Variants in DNAH9 observed in about 807,000 individuals in gnomAD.
DNAH9 encodes DNAH9 variant protein.
A neutral mutation model predicts 471.6 loss-of-function variants in DNAH9; 345 were observed. The ratio of observed to expected loss-of-function variants is 0.73; its 90% CI spans 0.67 to 0.80. The LOEUF (loss-of-function observed/expected upper bound fraction) is 0.80, where lower values mean the gene tolerates loss of function less well. Among genes scored for constraint, DNAH9 ranks in the 30% least tolerant of loss-of-function variants. DNAH9 has a pLI of 0.00. For missense variants in DNAH9, 5,407 were observed against 5,609.2 expected (o/e 0.96, Z 1.15); for synonymous variants, 2,093 against 2,123.6 (o/e 0.99, Z 0.40).
At chr17:11,898,186 G>A (rs1396992799) in intron 59 of DNAH9, among the ~76,000 whole-genome samples, 1 of 151,502 alleles carries the variant, frequency 6.6e-6, no homozygotes, top group African/African-American at 2.4e-5. Context: ...GTGCAGTGGC[G>A]AAATCTCGGC....
chr17:11,942,467 G>A lies in DNAH9; in HGVS notation c.12825G>A (p.Glu4275=). The change falls in exon 67 of 69, where the codon GAG becomes GAA. Residue 4275 remains glutamate, a synonymous_variant. Coordinates refer to ENST00000262442, the MANE Select transcript of DNAH9 (RefSeq NM_001372.4). ...GAGAGATTCAGCGCTCACTGAGGGA[G>A]CTGGAGCTCGGCTTAAAGGTGAGCG... is the stretch of plus-strand genomic sequence containing the variant. The part of the protein sequence containing the change: ...LTREIQRSLR[E]LELGLKGELT... 2 of 1,614,024 alleles carry A rather than the reference G, an allele frequency of 1.2e-6. No individual in the cohort carries two copies. Among genetic ancestry groups the A allele is most frequent in the Non-Finnish European group, 1.7e-6 (2 of 1,179,982 alleles).
At chr17:11,852,801 A>AGTGTGTGTGT (rs375315617) in intron 49 of DNAH9, among the ~76,000 whole-genome samples, 16 of 41,026 alleles carry the variant, frequency 3.9e-4, no homozygotes, top group East Asian at 5.7e-4. Context: ...TATATAAGAA[A>AGTGTGTGTGT]GTGTGTGTGT....
chr17:11,950,047 T>C (rs1056102093), intron 67 of DNAH9, among the ~76,000 whole-genome samples: 4 of 152,222 alleles, frequency 2.6e-5, no homozygotes, highest in African/African-American at 7.2e-5. Context: ...AAATTAAGTA[T>C]TGCATATATT....
In DNAH9 at chr17:11,598,874, C is replaced by G. The variant is rs769247274; in HGVS notation, c.376C>G (p.Pro126Ala). The stretch of plus-strand genomic sequence containing the variant: ...CGGCGCAGTGGTCTGCGGGGACCTG[C>G]CCGCGGCACCTCTGGAGCACCTAGC... ...FRGAVVCGDL[P>A]AAPLEHLAAL... Residue 126 changes from proline (P) to alanine (A), a missense_variant, in exon 1 of 69, where the codon CCC (proline) becomes GCC (alanine). Coordinates refer to ENST00000262442, the MANE Select transcript of DNAH9 (RefSeq NM_001372.4). 3 of 1,542,806 alleles carry G rather than the reference C, an allele frequency of 1.9e-6. No individual in the cohort carries two copies. Among genetic ancestry groups the G allele is most frequent in the African/African-American group, 2.8e-5 (2 of 71,868 alleles).
chr17:11,714,444 G>A lies in DNAH9; in HGVS notation c.5553-4890G>A, dbSNP rs142106612. On this transcript the variant is annotated intron_variant, in intron 26 of 68. Coordinates refer to ENST00000262442, the MANE Select transcript of DNAH9 (RefSeq NM_001372.4). Reference sequence around the variant, plus strand: ...AACATCAGTGAGCTGAGTATGCCTCGGGGCCTCCCTGAAGGTAGATACTGT... The same window carrying A: ...AACATCAGTGAGCTGAGTATGCCTCAGGGCCTCCCTGAAGGTAGATACTGT... Among the ~76,000 whole-genome samples, 510 of 152,100 alleles carry A rather than the reference G, an allele frequency of 3.4e-3. 3 individuals are homozygous for A. Among genetic ancestry groups the A allele is most frequent in the African/African-American group, 0.011 (468 of 41,470 alleles).
At chr17:11,881,472 G>C (rs1188943108) in intron 55 of DNAH9, 59 bp downstream of exon 55, 1 of 1,532,968 alleles carries the variant, frequency 6.5e-7, no homozygotes, top group Non-Finnish European at 8.8e-7. Context: ...CTCCACTCTG[G>C]GAGAGGTTGC....
intron 7 of DNAH9, among the ~76,000 whole-genome samples, chr17:11,632,013 A>G (rs989635179): frequency 1.3e-5 from 2 of 152,218 alleles, no homozygotes; most frequent in Non-Finnish European, 2.9e-5. Flanking sequence ...TGAAATTCCA[A>G]TTTAACTGAG....
chr17:11,906,437 G>A (rs139881852), intron 61 of DNAH9, among the ~76,000 whole-genome samples: 3,065 of 151,572 alleles, frequency 0.02, 64 homozygotes, highest in Admixed American at 0.032. Context: ...GACCAGCCTG[G>A]CCAACATGGT....
chr17:11,667,397 C>T (rs1293662092), intron 15 of DNAH9, among the ~76,000 whole-genome samples: 3 of 152,106 alleles, frequency 2.0e-5, no homozygotes, highest in South Asian at 2.1e-4. Context: ...TTGGGACTCT[C>T]CTGAGTCCAA....
At chr17:11,764,936 C>T (rs933785700) in intron 36 of DNAH9, among the ~76,000 whole-genome samples, 1 of 151,994 alleles carries the variant, frequency 6.6e-6, no homozygotes, top group African/African-American at 2.4e-5. Context: ...TCAGTCATAC[C>T]ACAATAAAGT....
At chr17:11,739,224 CT>C (rs2075397228) in intron 29 of DNAH9, among the ~76,000 whole-genome samples, 187 bp downstream of exon 29, 1 of 152,236 alleles carries the variant, frequency 6.6e-6, no homozygotes, top group African/African-American at 2.4e-5. Flanking sequence ...CTGTTCTCCT[CT>C]GTATATACAT....
chr17:11,691,893 T>C (rs981289506), intron 20 of DNAH9, among the ~76,000 whole-genome samples: 6 of 152,148 alleles, frequency 3.9e-5, no homozygotes, highest in Non-Finnish European at 8.8e-5. Context: ...AACCTCTGCC[T>C]CCTGGGTTCA....
chr17:11,937,274 C>A lies in DNAH9; in HGVS notation c.12490-78C>A. 1 of 1,524,164 alleles carries A rather than the reference C, an allele frequency of 6.6e-7. No individual in the cohort carries two copies. The highest frequency in any genetic ancestry group is 8.9e-7 in the Non-Finnish European group (1 of 1,128,730). 94.4% of individuals were successfully genotyped at this position (1,524,164 alleles called of 1,614,324 possible). A position where few individuals can be genotyped will look rare whatever the true frequency, so the allele number is the denominator to read the frequency against. ...GGAGGGATACTAGCCCATGGACTCCCTGCAGAGGACAAGCCGGTGTGGGAG... is the reference window on the plus strand; with the variant it reads ...GGAGGGATACTAGCCCATGGACTCCATGCAGAGGACAAGCCGGTGTGGGAG... On this transcript the variant is annotated intron_variant, in intron 65 of 68. Transcript: ENST00000262442. The surrounding 1 kb of genome is among the most constrained non-coding windows in gnomAD (Gnocchi z 4.1).
intron 50 of DNAH9, among the ~76,000 whole-genome samples, chr17:11,863,424 A>G (rs1246807992): frequency 1.3e-5 from 2 of 152,124 alleles, no homozygotes; most frequent in Non-Finnish European, 2.9e-5. Context: ...TCGGTTTGCC[A>G]GTATTTTATT....
At chr17:11,924,616 C>CTTTT (rs756191140) in intron 62 of DNAH9, among the ~76,000 whole-genome samples, 154 of 91,994 alleles carry the variant, frequency 1.7e-3, no homozygotes, top group African/African-American at 3.0e-3. Flanking sequence ...ACTACTAACT[C>CTTTT]TTTTTTTTTT....
chr17:11,820,383 A>G (rs1234750408), intron 45 of DNAH9, among the ~76,000 whole-genome samples: 3 of 151,602 alleles, frequency 2.0e-5, no homozygotes, highest in African/African-American at 7.3e-5. Flanking sequence ...GTTTTCATTT[A>G]ACTTTCAGAT....
intron 35 of DNAH9, among the ~76,000 whole-genome samples, chr17:11,762,770 G>GTT (rs563544881): frequency 0.024 from 2,146 of 90,640 alleles, 286 homozygotes; most frequent in Non-Finnish European, 0.035. Flanking sequence ...TTTTTTTTTT[G>GTT]TTTTTTTTTT....
rs754621309 is a variant in DNAH9 at position 11,781,172 on chromosome 17, C to A, written c.7716C>A (p.His2572Gln). Residue 2572 changes from histidine (H) to glutamine (Q), a missense_variant and splice_region_variant, in exon 39 of 69, where the codon CAC becomes CAA. Around this residue, in one of 3 missense-constraint regions of DNAH9, gnomAD observed 4,636 missense variants for 4,900.3 expected, o/e 0.95. Transcript: ENST00000262442. ...TCCGGCAGCATCTGGACTATGGCCA[C>A]TGGTAAGAGCGCCCATGTAGAGGGA... Reference protein sequence around the residue: ...TIIRQHLDYGHWYDRSKLSLK... With the variant: ...TIIRQHLDYGQWYDRSKLSLK... The A allele has an allele frequency of 6.2e-6, 10 of 1,613,472 alleles. No homozygotes were observed. Among genetic ancestry groups the A allele is most frequent in the Non-Finnish European group, 6.8e-6 (8 of 1,179,714 alleles).
chr17:11,741,250 T>TA (rs1261439231), intron 29 of DNAH9, among the ~76,000 whole-genome samples: 3 of 152,192 alleles, frequency 2.0e-5, no homozygotes, highest in African/African-American at 4.8e-5. Flanking sequence ...CCCAACAAAT[T>TA]AAAAAAATGT....
Sources: allele counts gnomAD v4.1 joint callset (sites outside exome capture counted in the v4.1 genomes callset), GRCh38; gene constraint gnomAD v4.1.1; regional missense constraint gnomAD v4.1.1; non-coding constraint Gnocchi (gnomAD v3.1); transcripts MANE v1.5; gene names NCBI Gene and HGNC (gene_info 2026-07-23, HGNC 2026-07-21).